Variants in ABR observed in about 807,000 individuals in gnomAD.
ABR encodes ABR activator of RhoGEF and GTPase.
A neutral mutation model predicts 107.2 loss-of-function variants in ABR; 35 were observed. That is an observed-to-expected ratio of 0.33 (90% CI 0.25 to 0.43). The LOEUF (loss-of-function observed/expected upper bound fraction) is 0.43. Ranked by LOEUF, ABR falls within the 20% of genes least tolerant of loss-of-function variation. The pLI is 1.00. For missense variants in ABR, 815 were observed against 1,115.2 expected (o/e 0.73, Z 3.83); for synonymous variants, 498 against 462.0 (o/e 1.08, Z -1.00).
chr17:1,098,440 T>C lies in ABR; in HGVS notation c.345+2197A>G, dbSNP rs1003779752. ...ACCATGGGCCCGGCAATTACATATA[T>C]ATACAGGCACACAGACAGACAACAA... On this transcript the variant is annotated intron_variant, in intron 3 of 22. Transcript: ENST00000302538. Among the ~76,000 whole-genome samples the C allele has an allele frequency of 5.3e-5, 8 of 152,276 alleles. No homozygotes were observed. The East Asian group carries it at 1.5e-3, about 29-fold the overall frequency.
chr17:1,098,871 C>T (rs1485044053), intron 3 of ABR, among the ~76,000 whole-genome samples: 2 of 152,214 alleles, frequency 1.3e-5, no homozygotes, highest in Non-Finnish European at 2.9e-5. Context: ...CTGCAACCTC[C>T]ACCTCCCGGG....
In ABR at chr17:1,051,844, T is replaced by C. The variant is rs1030600174; in HGVS notation, c.1562-1210A>G. Among the ~76,000 whole-genome samples, 2 of 151,992 alleles carry C rather than the reference T, an allele frequency of 1.3e-5. No homozygotes were observed. Among genetic ancestry groups the C allele is most frequent in the African/African-American group, 4.8e-5 (2 of 41,402 alleles). ...ATCCCAGCACTTTGGGAGGCCAAGG[T>C]GGGCAGATCACCTGAGGTCAGGAGT... On this transcript the variant is annotated intron_variant, in intron 14 of 22. Coordinates refer to ENST00000302538, the MANE Select transcript of ABR (RefSeq NM_021962.5). This position sits in a 1 kb window ranked among gnomAD's most constrained non-coding sequence, Gnocchi z 4.3.
chr17:1,022,748 C>T (rs1351933591), intron 16 of ABR, among the ~76,000 whole-genome samples: 1 of 152,222 alleles, frequency 6.6e-6, no homozygotes, highest in Non-Finnish European at 1.5e-5. Context: ...GCCAAGGTGT[C>T]CTGCAGCCAA....
intron 16 of ABR, among the ~76,000 whole-genome samples, chr17:1,018,324 G>C (rs928896791): frequency 6.6e-6 from 1 of 152,214 alleles, no homozygotes; most frequent in Non-Finnish European, 1.5e-5. Flanking sequence ...TTACGGGCGT[G>C]AGCCACCACG....
chr17:1,224,066 G>A (rs1020643356), intron 1 of ABR, among the ~76,000 whole-genome samples: 4 of 152,166 alleles, frequency 2.6e-5, no homozygotes, highest in African/African-American at 9.7e-5. Flanking sequence ...TAGGGTTAGC[G>A]ACGTTTATTA....
chr17:1,057,657 ATG>A (rs796583275), intron 12 of ABR, among the ~76,000 whole-genome samples: 19 of 37,398 alleles, frequency 5.1e-4, no homozygotes, highest in East Asian at 0.019. Flanking sequence ...GTATGTGTGT[ATG>A]TGTGTGTGTG....
At chr17:1,214,362 A>G (rs988401956) in intron 1 of ABR, among the ~76,000 whole-genome samples, 7 of 152,004 alleles carry the variant, frequency 4.6e-5, no homozygotes, top group Admixed American at 2.0e-4. Context: ...TTTCCTCTCC[A>G]TGAGTAACCA....
chr17:1,013,876 C>G (rs2070881101), intron 16 of ABR, among the ~76,000 whole-genome samples: 1 of 152,230 alleles, frequency 6.6e-6, no homozygotes. Flanking sequence ...AACCCTCACA[C>G]AGGACTGTTC....
At chr17:1,224,019 G>A (rs534038805) in intron 1 of ABR, among the ~76,000 whole-genome samples, 11 of 152,310 alleles carry the variant, frequency 7.2e-5, no homozygotes, top group Admixed American at 1.3e-4. Flanking sequence ...TAAAGCATAC[G>A]AAGTGCTCAG....
intron 1 of ABR, among the ~76,000 whole-genome samples, chr17:1,195,286 G>A (rs570413611): frequency 4.0e-5 from 4 of 99,898 alleles, no homozygotes; most frequent in African/African-American, 1.3e-4. Flanking sequence ...CAGCCTGGGC[G>A]ACAGAATGAG....
intron 1 of ABR, among the ~76,000 whole-genome samples, chr17:1,155,227 C>A (rs903144705): frequency 6.6e-6 from 1 of 152,210 alleles, no homozygotes; most frequent in Admixed American, 6.5e-5. Context: ...TCCACGGAGT[C>A]ACGTTGAGTG....
At chr17:1,083,729 GA>G in intron 4 of ABR, 102 bp from the exon 5 acceptor site, 1 of 932,682 alleles carries the variant, frequency 1.1e-6, no homozygotes, top group East Asian at 2.4e-5. Context: ...CCCCTGCACT[GA>G]AAACCTCTCA....
rs1442296253 is a variant in ABR at position 1,083,605 on chromosome 17, T to A, written c.554A>T (p.Lys185Ile). 6.2e-7 allele frequency: 1 copy of A among 1,613,968 alleles called. No individual in the cohort carries two copies. The highest frequency in any genetic ancestry group is 1.7e-5 in the Admixed American group (1 of 60,006). The change falls in exon 5 of 23, where the codon AAA (lysine) becomes ATA (isoleucine). Residue 185 changes from lysine (K) to isoleucine (I), a missense_variant. Lys to Ile is a moderately radical substitution (Grantham distance 102). This residue lies in a region of ABR where 385 missense variants were observed against 596.9 expected (regional missense o/e 0.64). Coordinates refer to ENST00000302538, the MANE Select transcript of ABR (RefSeq NM_021962.5). ...GACTTTATAGTTATCGACAAACGCT[T>A]TGTACACACCGAGCTGGCTGGCCTG... ...QKLASQLGVYKAFVDNYKVAL... is the reference protein window; with the variant it reads ...QKLASQLGVYIAFVDNYKVAL...
In ABR at chr17:1,125,910, G is replaced by A. The variant is rs141439324; in HGVS notation, c.62-543C>T. Among the ~76,000 whole-genome samples the A allele has an allele frequency of 1.1e-4, 17 of 152,292 alleles. No individual in the cohort carries two copies. In the East Asian group the frequency reaches 2.9e-3, roughly 26 times the overall value. ...CAGCCCTCAGAACAAGGCCCCGCACGGAGGACGGAGCCCAAGGCAGCAGGG... is the reference window on the plus strand; with the variant it reads ...CAGCCCTCAGAACAAGGCCCCGCACAGAGGACGGAGCCCAAGGCAGCAGGG... On this transcript the variant is annotated intron_variant, in intron 1 of 22. Coordinates refer to ENST00000302538, the MANE Select transcript of ABR (RefSeq NM_021962.5).
intron 2 of ABR, among the ~76,000 whole-genome samples, chr17:1,108,369 G>A (rs2038400444): frequency 6.6e-6 from 1 of 152,226 alleles, no homozygotes; most frequent in Non-Finnish European, 1.5e-5. Context: ...GCCCCAGAGC[G>A]GGTGGGCCAG....
chr17:1,172,958 CAT>C (rs1567857290), intron 1 of ABR, among the ~76,000 whole-genome samples: 14 of 89,164 alleles, frequency 1.6e-4, no homozygotes, highest in African/African-American at 3.7e-4. Flanking sequence ...CCACCCCCCC[CAT>C]CACCTCAGCC....
Position 1,179,619 on chromosome 17 carries a change from G to T in ABR, c.61+48C>A. 1 of 1,462,764 alleles carries T rather than the reference G, an allele frequency of 6.8e-7. No homozygotes were observed. The allele number at this position is 1,462,764 out of a possible 1,614,324, so 90.6% of individuals were successfully genotyped here. Reference sequence around the variant, plus strand: ...TCCTGGGGTCCCGATCTCCATCCTGGGGTCCCGATCCCGATCCTGGGGTCC... The same window carrying T: ...TCCTGGGGTCCCGATCTCCATCCTGTGGTCCCGATCCCGATCCTGGGGTCC... On this transcript the variant is annotated intron_variant, in intron 1 of 22. Transcript: ENST00000302538. The surrounding 1 kb of genome is among the most constrained non-coding windows in gnomAD (Gnocchi z 4.9).
intron 2 of ABR, chr17:1,108,844 G>C: frequency 7.1e-7 from 1 of 1,416,284 alleles, no homozygotes; most frequent in Non-Finnish European, 9.2e-7. Flanking sequence ...CCGGCCGCGC[G>C]CTCTGCGCCC....
At chr17:1,064,368 CTGT>C (rs2034435505) in intron 10 of ABR, among the ~76,000 whole-genome samples, 1 of 16,238 alleles carries the variant, frequency 6.2e-5, no homozygotes, top group Non-Finnish European at 1.3e-4. Context: ...CTAGACACTG[CTGT>C]TATGTGAACT....
Sources: allele counts gnomAD v4.1 joint callset (sites outside exome capture counted in the v4.1 genomes callset), GRCh38; gene constraint gnomAD v4.1.1; regional missense constraint gnomAD v4.1.1; non-coding constraint Gnocchi (gnomAD v3.1); transcripts MANE v1.5; gene names NCBI Gene and HGNC (gene_info 2026-07-23, HGNC 2026-07-21).